The following HMCN1 variants were observed in gnomAD, a reference collection of about 807,000 sequenced individuals.
HMCN1 encodes hemicentin-1.
HMCN1 carries 321 observed loss-of-function variants against 625.9 expected under a neutral mutation model. That is an observed-to-expected ratio of 0.51 (90% CI 0.47 to 0.56). The LOEUF (loss-of-function observed/expected upper bound fraction) is 0.56, where lower values mean the gene tolerates loss of function less well. Among genes scored for constraint, HMCN1 ranks in the 20% least tolerant of loss-of-function variants. The pLI is 0.00. For missense variants in HMCN1, 6,588 were observed against 6,887.3 expected (o/e 0.96, Z 1.54); for synonymous variants, 2,425 against 2,417.6 (o/e 1.00, Z -0.09).
intron 1 of HMCN1, among the ~76,000 whole-genome samples, chr1:185,795,059 G>T (rs1177623614): frequency 6.6e-6 from 1 of 152,182 alleles, no homozygotes; most frequent in South Asian, 2.1e-4. Flanking sequence ...ATGCATGTAT[G>T]TGTTGCATTA....
intron 46 of HMCN1, among the ~76,000 whole-genome samples, chr1:186,061,233 T>G (rs912613145): frequency 1.3e-5 from 2 of 152,114 alleles, no homozygotes; most frequent in Non-Finnish European, 2.9e-5. Flanking sequence ...ATTCTGCATG[T>G]CTGGGGAGGC....
rs1387028768 is a variant in HMCN1, at chr1:185,797,920, C to T, written c.269-48106C>T. Among the ~76,000 whole-genome samples the T allele has an allele frequency of 4.2e-5, 5 of 119,644 alleles. 2 individuals are homozygous for T. The highest frequency in any genetic ancestry group is 7.6e-5 in the Admixed American group (1 of 13,128). 78.5% of individuals were successfully genotyped at this position (119,644 alleles called of 152,430 possible). A position where few individuals can be genotyped will look rare whatever the true frequency, so the allele number is the denominator to read the frequency against. On this transcript the variant is annotated intron_variant, in intron 1 of 106. Coordinates refer to ENST00000271588, the MANE Select transcript of HMCN1 (RefSeq NM_031935.3). Reference sequence around the variant, plus strand: ...GGCGGAGCTTGCAGTGAGCCGAGATCCCGCCACTGCACTCCAGCCTGGGCG... The same window carrying T: ...GGCGGAGCTTGCAGTGAGCCGAGATTCCGCCACTGCACTCCAGCCTGGGCG...
intron 1 of HMCN1, among the ~76,000 whole-genome samples, chr1:185,771,571 T>G (rs995830355): frequency 1.3e-5 from 2 of 152,166 alleles, no homozygotes. Flanking sequence ...AAATAAACAT[T>G]TATTAACATT....
intron 91 of HMCN1, among the ~76,000 whole-genome samples, chr1:186,145,170 T>C (rs1476317262): frequency 6.6e-6 from 1 of 152,248 alleles, no homozygotes. Context: ...ATTTTAAGAC[T>C]CAATAAATGT....
chr1:186,122,950 G>C lies in HMCN1; in HGVS notation c.12230-1G>C. The C allele has an allele frequency of 6.2e-7, 1 of 1,613,360 alleles. No homozygotes were observed. Among genetic ancestry groups the C allele is most frequent in the South Asian group, 1.1e-5 (1 of 91,052 alleles). On this transcript the variant is annotated splice_acceptor_variant, in intron 80 of 106. Coordinates refer to ENST00000271588, the MANE Select transcript of HMCN1 (RefSeq NM_031935.3). LOFTEE classifies it high-confidence loss of function. ...AACTTTATATTTTTTGTATATTTTA[G>C]TTCCTCCAGTCATTAGCCCTCATCT...
intron 2 of HMCN1, 141 bp from the exon 3 acceptor site, chr1:185,864,329 C>T (rs1175885959): frequency 2.6e-6 from 2 of 767,670 alleles, no homozygotes; most frequent in Non-Finnish European, 4.4e-6. Flanking sequence ...TCTTCCATCC[C>T]TTCTTGAACA....
chr1:186,146,148 G>A (rs981591151), intron 93 of HMCN1, among the ~76,000 whole-genome samples: 3 of 152,120 alleles, frequency 2.0e-5, no homozygotes, highest in Non-Finnish European at 4.4e-5. Flanking sequence ...TATAGTCCTG[G>A]CATTGACAGG....
At chr1:185,772,091 T>C (rs1656279073) in intron 1 of HMCN1, among the ~76,000 whole-genome samples, 1 of 152,100 alleles carries the variant, frequency 6.6e-6, no homozygotes, top group African/African-American at 2.4e-5. Flanking sequence ...CATGTCTTAT[T>C]TGAGGAACAA....
chr1:185,973,893 G>GT (rs1651012109), intron 15 of HMCN1, among the ~76,000 whole-genome samples: 1 of 152,054 alleles, frequency 6.6e-6, no homozygotes, highest in Non-Finnish European at 1.5e-5. Context: ...CGGTTTGGTG[G>GT]AACCAAAACA....
At chr1:186,032,295 A>G (rs1018323407) in intron 36 of HMCN1, among the ~76,000 whole-genome samples, 7 of 152,260 alleles carry the variant, frequency 4.6e-5, no homozygotes, top group Admixed American at 2.0e-4. Flanking sequence ...CAGCCAACCT[A>G]ATATATGAAA....
intron 4 of HMCN1, among the ~76,000 whole-genome samples, chr1:185,897,820 G>A (rs1665572494): frequency 6.6e-6 from 1 of 152,128 alleles, no homozygotes; most frequent in Non-Finnish European, 1.5e-5. Flanking sequence ...GCTTTTAAGA[G>A]ATAAGGTCCC....
At chr1:185,845,426 G>A (rs915927443) in intron 1 of HMCN1, among the ~76,000 whole-genome samples, 3 of 152,098 alleles carry the variant, frequency 2.0e-5, no homozygotes, top group African/African-American at 7.2e-5. Context: ...TCACCATGTT[G>A]GTCAGGCTGG....
At chr1:186,095,610 G>A in intron 68 of HMCN1, 89 bp downstream of exon 68, 1 of 1,397,014 alleles carries the variant, frequency 7.2e-7, no homozygotes. Context: ...AGAATCAGTT[G>A]CTGTGAGAGA....
intron 4 of HMCN1, among the ~76,000 whole-genome samples, chr1:185,901,677 A>G (rs1327719479): frequency 6.6e-6 from 1 of 151,768 alleles, no homozygotes; most frequent in East Asian, 1.9e-4. Context: ...TTGCCTCCAG[A>G]AGCCAATGGG....
In HMCN1 at chr1:185,997,476, C is replaced by T. The variant is rs1201730293; in HGVS notation, c.3826C>T (p.Gln1276Ter). The change falls in exon 25 of 107, where the codon CAA (glutamine) becomes TAA (stop). Residue 1276 changes from glutamine to a stop codon, truncating the protein, a stop_gained. Transcript: ENST00000271588. LOFTEE classifies it high-confidence loss of function. The stretch of plus-strand genomic sequence containing the variant: ...AGAACCTCCATATAACACTACTTTC[C>T]AAGAAAGAGTGGCCAATCAACGCAT... ...DLEPPYNTTFQERVANQRIEF... is the reference protein window; with the variant it reads ...DLEPPYNTTF 6.2e-7 allele frequency: 1 copy of T among 1,612,860 alleles called. No homozygotes were observed. Among genetic ancestry groups the T allele is most frequent in the Non-Finnish European group, 8.5e-7 (1 of 1,179,266 alleles).
At chr1:185,950,375 C>G (rs1571604895) in intron 11 of HMCN1, among the ~76,000 whole-genome samples, 1 of 151,928 alleles carries the variant, frequency 6.6e-6, no homozygotes, top group African/African-American at 2.4e-5. Flanking sequence ...GCAGTGGCAG[C>G]CGCTGCACGC....
At chr1:186,137,739 G>T in intron 88 of HMCN1, 63 bp from the exon 89 acceptor site, 1 of 1,613,716 alleles carries the variant, frequency 6.2e-7, no homozygotes, top group Non-Finnish European at 8.5e-7. Flanking sequence ...CCTATGGATT[G>T]CCCCAGTGTA....
In HMCN1 at chr1:186,019,573, G is replaced by C; in HGVS notation, c.5503G>C (p.Glu1835Gln). The change falls in exon 35 of 107, where the codon GAG (glutamate) becomes CAG (glutamine). Residue 1835 changes from glutamate (E) to glutamine (Q), a missense_variant. This residue lies in a region of HMCN1 where 4,628 missense variants were observed against 4,853.1 expected (regional missense o/e 0.95). Coordinates refer to ENST00000271588, the MANE Select transcript of HMCN1 (RefSeq NM_031935.3). The part of the protein sequence containing the change: ...PPTIKSSGLS[E>Q]RVVVKYKPVA... Reference sequence around the variant, plus strand: ...AACAATCAAGTCCTCAGGCCTTTCTGAGAGAGTTGTGGTAAAATACAAGCC... The same window carrying C: ...AACAATCAAGTCCTCAGGCCTTTCTCAGAGAGTTGTGGTAAAATACAAGCC... 6.2e-7 allele frequency: 1 copy of C among 1,610,856 alleles called. No homozygotes were observed. The highest frequency in any genetic ancestry group is 2.2e-5 in the East Asian group (1 of 44,820).
intron 89 of HMCN1, 107 bp from the exon 90 acceptor site, chr1:186,144,066 T>TA (rs1650129983): frequency 1.1e-6 from 1 of 934,592 alleles, no homozygotes; most frequent in Non-Finnish European, 1.6e-6. Flanking sequence ...TCAATTCTCT[T>TA]AGATTGGGGA....
Sources: allele counts gnomAD v4.1 joint callset (sites outside exome capture counted in the v4.1 genomes callset), GRCh38; gene constraint gnomAD v4.1.1; regional missense constraint gnomAD v4.1.1; transcripts MANE v1.5; gene names NCBI Gene and HGNC (gene_info 2026-07-23, HGNC 2026-07-21).